CAPZA2: variants seen among roughly 807,000 people sequenced by gnomAD.
CAPZA2 encodes the protein F-actin-capping protein subunit alpha-2.
A neutral mutation model predicts 44.0 loss-of-function variants in CAPZA2; 13 were observed. The ratio of observed to expected loss-of-function variants is 0.30; its 90% confidence interval spans 0.19 to 0.47. The LOEUF is 0.47. Among genes scored for constraint, CAPZA2 ranks in the 20% least tolerant of loss-of-function variants. CAPZA2 has a pLI of 1.00. For synonymous variants in CAPZA2, 94 were observed against 108.2 expected (o/e 0.87, Z 0.81); for missense variants, 244 against 338.6 (o/e 0.72, Z 2.19).
chr7:116,882,154 T>C (rs747918535), intron 1 of CAPZA2, among the ~76,000 whole-genome samples: 14 of 152,244 alleles, frequency 9.2e-5, no homozygotes, highest in South Asian at 2.1e-4. Context: ...TACTATTCTT[T>C]AGTAATTAAG....
Position 116,904,083 on chromosome 7 carries a change from T to A in CAPZA2, c.220-94T>A, listed in dbSNP as rs1186924256. On this transcript the variant is annotated intron_variant, in intron 4 of 9. Transcript: ENST00000361183. Reference sequence around the variant, plus strand: ...GCTTGGAGTAGGATTGTTTTATAGTTTTAAGGAAGAAGCTTAAATGAGTGT... The same window carrying A: ...GCTTGGAGTAGGATTGTTTTATAGTATTAAGGAAGAAGCTTAAATGAGTGT... 4.0e-6 allele frequency: 3 copies of A among 742,762 alleles called. No individual in the cohort carries two copies. In the Admixed American group the frequency reaches 7.4e-5, roughly 18 times the overall value. 46.0% of individuals were successfully genotyped at this position (742,762 alleles called of 1,614,324 possible).
chr7:116,907,695 G>A (rs957841655), intron 6 of CAPZA2, among the ~76,000 whole-genome samples: 2 of 151,962 alleles, frequency 1.3e-5, no homozygotes, highest in African/African-American at 2.4e-5. Context: ...TGCCCAGGCC[G>A]GTCTCAAATT....
intron 2 of CAPZA2, among the ~76,000 whole-genome samples, chr7:116,891,387 CAG>C (rs1796844539): frequency 2.6e-5 from 4 of 152,162 alleles, no homozygotes; most frequent in African/African-American, 9.7e-5. Context: ...ATAAAAATAA[CAG>C]TAATTATAAA....
In CAPZA2 at chr7:116,917,984, T is replaced by C; in HGVS notation, c.*117T>C. Reference sequence around the variant, plus strand: ...GGGCTGTTGCCATTTAAAATCACTGTAATTAATTAGTTTGATTAGAGCACA... The same window carrying C: ...GGGCTGTTGCCATTTAAAATCACTGCAATTAATTAGTTTGATTAGAGCACA... On this transcript the variant is annotated 3_prime_UTR_variant, in exon 10 of 10. Coordinates refer to ENST00000361183, the MANE Select transcript of CAPZA2 (RefSeq NM_006136.3). The C allele has an allele frequency of 1.4e-6, 1 of 725,554 alleles. No homozygotes were observed. Among genetic ancestry groups the C allele is most frequent in the Non-Finnish European group, 2.3e-6 (1 of 427,740 alleles). 44.9% of individuals were successfully genotyped at this position (725,554 alleles called of 1,614,324 possible).
At chr7:116,901,419 A>T (rs1796992645) in intron 4 of CAPZA2, among the ~76,000 whole-genome samples, 1 of 152,176 alleles carries the variant, frequency 6.6e-6, no homozygotes, top group African/African-American at 2.4e-5. Context: ...TTAGCAGAAA[A>T]TCAAATATCA....
chr7:116,910,196 C>G, intron 6 of CAPZA2, 37 bp from the exon 7 acceptor site: 3 of 1,072,648 alleles, frequency 2.8e-6, no homozygotes, highest in Non-Finnish European at 2.9e-6. Flanking sequence ...AAATTATTTT[C>G]CCTACCTTAT....
At chr7:116,885,548 C>T (rs1266041661) in intron 1 of CAPZA2, among the ~76,000 whole-genome samples, 1 of 152,086 alleles carries the variant, frequency 6.6e-6, no homozygotes, top group Non-Finnish European at 1.5e-5. Flanking sequence ...TTGCTCCTTC[C>T]CCCACTTCAG....
intron 6 of CAPZA2, chr7:116,909,637 C>T (rs1438745673): frequency 4.0e-5 from 6 of 151,342 alleles, no homozygotes; most frequent in Non-Finnish European, 8.8e-5. Context: ...GATATCAAAA[C>T]CTCTTTAAGA....
chr7:116,907,794 A>G (rs920374423), intron 6 of CAPZA2, among the ~76,000 whole-genome samples: 11 of 152,130 alleles, frequency 7.2e-5, no homozygotes, highest in South Asian at 4.1e-4. Context: ...TGAATTTTCT[A>G]TTCTCACTAT....
intron 3 of CAPZA2, 128 bp downstream of exon 3, chr7:116,893,173 C>G (rs1295203178): frequency 3.9e-6 from 2 of 511,572 alleles, no homozygotes; most frequent in East Asian, 6.8e-5. Flanking sequence ...CTCTGTCGTC[C>G]AGGCTGGAGT....
chr7:116,904,404 TTGTG>T (rs754905566), intron 5 of CAPZA2, 21 bp downstream of exon 5: 8 of 1,479,922 alleles, frequency 5.4e-6, no homozygotes, highest in Non-Finnish European at 7.6e-6. Flanking sequence ...AGTAGCAGCT[TTGTG>T]TGTGTGTTTT....
intron 1 of CAPZA2, among the ~76,000 whole-genome samples, chr7:116,870,584 A>G (rs1369196715): frequency 1.3e-5 from 2 of 152,182 alleles, no homozygotes; most frequent in South Asian, 2.1e-4. Flanking sequence ...CTTAGCCCAC[A>G]TGATATGCCA....
chr7:116,892,883 C>G, intron 2 of CAPZA2, 111 bp from the exon 3 acceptor site: 2 of 427,352 alleles, frequency 4.7e-6, no homozygotes, highest in Non-Finnish European at 4.1e-6. Context: ...ATATTTTGAT[C>G]TTGCTTGTGT....
chr7:116,912,789 G>T (rs1480022649), intron 8 of CAPZA2, among the ~76,000 whole-genome samples: 3 of 152,108 alleles, frequency 2.0e-5, no homozygotes, highest in African/African-American at 7.2e-5. Context: ...TATTTTTTGT[G>T]TAGCTTTTTA....
chr7:116,910,653 GTA>G (rs1178394756), intron 7 of CAPZA2, among the ~76,000 whole-genome samples: 3 of 152,128 alleles, frequency 2.0e-5, no homozygotes, highest in Non-Finnish European at 4.4e-5. Flanking sequence ...GTGGGGTGAA[GTA>G]TCATATTAAT....
Position 116,917,801 on chromosome 7 carries a change from A to G in CAPZA2, c.795A>G (p.Thr265=). ...FKALRRQLPV[T]RTKIDWNKIL... is the part of the protein sequence containing the mutation. ...CCTTACGTCGACAGTTGCCAGTTAC[A>G]CGCACTAAGATTGATTGGAACAAGA... Residue 265 remains threonine (T), a synonymous_variant, in exon 10 of 10, where the codon ACA becomes ACG. Transcript: ENST00000361183. 4 of 1,611,228 alleles carry G rather than the reference A, an allele frequency of 2.5e-6. No individual in the cohort carries two copies. Among genetic ancestry groups the G allele is most frequent in the Non-Finnish European group, 3.4e-6 (4 of 1,177,320 alleles).
chr7:116,897,397 C>T (rs777035603), intron 3 of CAPZA2, among the ~76,000 whole-genome samples: 1 of 152,110 alleles, frequency 6.6e-6, no homozygotes, highest in Non-Finnish European at 1.5e-5. Flanking sequence ...CTTTTTTGAG[C>T]ATGTAGTATC....
chr7:116,867,647 G>A (rs904399719), intron 1 of CAPZA2, among the ~76,000 whole-genome samples: 4 of 145,322 alleles, frequency 2.8e-5, no homozygotes, highest in Non-Finnish European at 4.5e-5. Context: ...GCAGTGGCAC[G>A]ATCTCGGCTC....
Position 116,898,774 on chromosome 7 carries a change from C to A in CAPZA2, c.158C>A (p.Ala53Glu). The A allele has an allele frequency of 6.3e-7, 1 of 1,579,730 alleles. No individual in the cohort carries two copies. The highest frequency in any genetic ancestry group is 8.6e-7 in the Non-Finnish European group (1 of 1,159,636). The change falls in exon 4 of 10, where the codon GCA (alanine) becomes GAA (glutamate). Residue 53 changes from alanine (A) to glutamate (E), a missense_variant and splice_region_variant. Coordinates refer to ENST00000361183, the MANE Select transcript of CAPZA2 (RefSeq NM_006136.3). ...AATTGCCATTTTCTTTTTTTTAGTG[C>A]ATTTGCACAGTATAACTTGGACCAG... ...DNLLREGAAH[A>E]FAQYNLDQFT...
Sources: allele counts gnomAD v4.1 joint callset (sites outside exome capture counted in the v4.1 genomes callset), GRCh38; gene constraint gnomAD v4.1.1; transcripts MANE v1.5; gene names NCBI Gene and HGNC (gene_info 2026-07-23, HGNC 2026-07-21).